ZNF385D: variants seen among roughly 807,000 people sequenced by gnomAD.
The protein encoded by ZNF385D is zinc finger protein 385D, also known as zinc finger protein 659.
ZNF385D carries 15 observed loss-of-function variants against 35.8 expected under a neutral mutation model. The ratio of observed to expected loss-of-function variants is 0.42; its 90% CI spans 0.28 to 0.64. The LOEUF is 0.64. ZNF385D is among the 30% of genes least tolerant of loss of function. The probability of loss-of-function intolerance (pLI) is 0.23; values close to 1 mark genes in which losing one functional copy is unlikely to be tolerated. For synonymous variants in ZNF385D, 212 were observed against 186.8 expected, an observed-to-expected ratio of 1.13 and a Z score of -1.10; for missense variants, 474 against 494.6, an observed-to-expected ratio of 0.96 and a Z score of 0.39.
At chr3:21,733,751 AATTT>A (rs777935297) in intron 1 of ZNF385D, among the ~76,000 whole-genome samples, 23 of 152,076 alleles carry the variant, frequency 1.5e-4, no homozygotes, top group Non-Finnish European at 2.9e-4. Flanking sequence ...TTCAATCTGC[AATTT>A]ATTTCAGTGT....
At chr3:22,203,623 C>A (rs966706793) in intron 2 of ZNF385D, among the ~76,000 whole-genome samples, 1 of 152,082 alleles carries the variant, frequency 6.6e-6, no homozygotes, top group Non-Finnish European at 1.5e-5. Context: ...GGGAAGCCCA[C>A]TGCTTCCCAC....
chr3:22,062,803 G>T (rs187349786), intron 3 of ZNF385D, among the ~76,000 whole-genome samples: 1 of 152,132 alleles, frequency 6.6e-6, no homozygotes, highest in Non-Finnish European at 1.5e-5. Context: ...CATGCAGTGA[G>T]GACATACACA....
intron 3 of ZNF385D, among the ~76,000 whole-genome samples, chr3:21,831,753 T>G (rs947580609): frequency 6.6e-6 from 1 of 152,278 alleles, no homozygotes; most frequent in East Asian, 1.9e-4. Flanking sequence ...AAAGCCACAG[T>G]TGACTGGGGC....
At chr3:22,148,898 T>C (rs968572128) in intron 3 of ZNF385D, among the ~76,000 whole-genome samples, 7 of 152,188 alleles carry the variant, frequency 4.6e-5, no homozygotes, top group Non-Finnish European at 7.4e-5. Context: ...AGGGATGAGA[T>C]GACATGAACC....
At chr3:22,042,832 G>C (rs532473796) in intron 3 of ZNF385D, among the ~76,000 whole-genome samples, 1 of 152,148 alleles carries the variant, frequency 6.6e-6, no homozygotes, top group African/African-American at 2.4e-5. Context: ...ATCTCGACGT[G>C]TTTGGTTGTC....
intron 3 of ZNF385D, chr3:21,511,794 A>AT (rs1470908237): frequency 4.4e-6 from 2 of 450,074 alleles, no homozygotes; most frequent in Non-Finnish European, 8.9e-6. Context: ...AGTGATATGC[A>AT]TTTTCTCATG....
chr3:21,669,664 A>T (rs1366212648), intron 1 of ZNF385D, among the ~76,000 whole-genome samples: 1 of 152,206 alleles, frequency 6.6e-6, no homozygotes, highest in Non-Finnish European at 1.5e-5. Context: ...TGTATTAGAT[A>T]ATATATATAA....
At chr3:21,724,477 C>CAAAAAAAAAAAAAAAAAAA (rs200803155) in intron 1 of ZNF385D, among the ~76,000 whole-genome samples, 7 of 52,014 alleles carry the variant, frequency 1.3e-4, no homozygotes, top group African/African-American at 3.2e-4. Flanking sequence ...AATGGAAAGC[C>CAAAAAAAAAAAAAAAAAAA]AAAAAAAAAA....
chr3:21,821,916 T>C (rs1694259962), intron 3 of ZNF385D, among the ~76,000 whole-genome samples: 1 of 140,480 alleles, frequency 7.1e-6, no homozygotes, highest in South Asian at 2.3e-4. Flanking sequence ...CAGTGAGCCA[T>C]CATCACGCCA....
At chr3:21,982,803 A>T (rs1694554468) in intron 3 of ZNF385D, among the ~76,000 whole-genome samples, 1 of 122,348 alleles carries the variant, frequency 8.2e-6, no homozygotes. Context: ...AGGGCTGTTG[A>T]ATTTTATTGA....
At chr3:21,935,805 G>C (rs76698975) in intron 3 of ZNF385D, among the ~76,000 whole-genome samples, 1 of 152,012 alleles carries the variant, frequency 6.6e-6, no homozygotes, top group Non-Finnish European at 1.5e-5. Context: ...TGCATAACCC[G>C]GTGGAGTACC....
intron 2 of ZNF385D, among the ~76,000 whole-genome samples, chr3:22,181,697 C>CAAAAAA (rs71620745): frequency 2.4e-5 from 2 of 83,720 alleles, no homozygotes. Flanking sequence ...GACTCCGTCT[C>CAAAAAA]AAAAAAAAAA....
intron 2 of ZNF385D, among the ~76,000 whole-genome samples, chr3:22,208,639 C>G (rs570450574): frequency 1.3e-4 from 20 of 151,698 alleles, no homozygotes; most frequent in Middle Eastern, 3.4e-3. Flanking sequence ...GATTATTACA[C>G]ATTATTTGCC....
intron 3 of ZNF385D, among the ~76,000 whole-genome samples, chr3:21,986,474 A>C (rs62248414): frequency 1.0e-5 from 1 of 97,840 alleles, no homozygotes; most frequent in African/African-American, 8.2e-5. Flanking sequence ...GTAGTTGAGC[A>C]GCTTTGAGTG....
intron 3 of ZNF385D, among the ~76,000 whole-genome samples, chr3:21,892,106 G>A (rs1174739832): frequency 5.9e-5 from 9 of 152,174 alleles, no homozygotes; most frequent in African/African-American, 2.2e-4. Context: ...CCCAATACTT[G>A]CTTCGTGGGA....
At chr3:22,093,019 G>A (rs116740059) in intron 3 of ZNF385D, among the ~76,000 whole-genome samples, 141 of 152,286 alleles carry the variant, frequency 9.3e-4, no homozygotes, top group Middle Eastern at 3.4e-3. Context: ...GCATCCAGGA[G>A]CAGGAAGGTC....
At chr3:21,857,100 A>G (rs915575353) in intron 3 of ZNF385D, among the ~76,000 whole-genome samples, 7 of 152,076 alleles carry the variant, frequency 4.6e-5, no homozygotes, top group Admixed American at 1.3e-4. Context: ...TTAAAACTGT[A>G]GTAACCTGAT....
At chr3:21,676,601 A>T (rs2066737878) in intron 1 of ZNF385D, among the ~76,000 whole-genome samples, 1 of 152,076 alleles carries the variant, frequency 6.6e-6, no homozygotes, top group South Asian at 2.1e-4. Flanking sequence ...AGCCTATATT[A>T]TGGTCTAGGT....
At chr3:22,063,699 C>T (rs1699800343) in intron 3 of ZNF385D, among the ~76,000 whole-genome samples, 3 of 152,180 alleles carry the variant, frequency 2.0e-5, no homozygotes, top group African/African-American at 2.4e-5. Context: ...GCTCTCTGTC[C>T]TCTCCAAGAA....
Sources: gnomAD v4.1 joint callset for allele counts (sites outside exome capture counted in the v4.1 genomes callset) on GRCh38, gnomAD v4.1.1 for gene constraint, MANE v1.5 for transcripts, NCBI Gene and HGNC (gene_info 2026-07-23, HGNC 2026-07-21) for gene names.